LRFN5: variants seen among roughly 807,000 people sequenced by gnomAD.
LRFN5 encodes leucine rich repeat and fibronectin type III domain containing 5, also known as leucine-rich repeat and fibronectin type-III domain-containing protein 5.
Under a neutral mutation model 45.6 loss-of-function variants are expected in LRFN5, and 24 were observed. The observed-to-expected ratio is 0.53, with a 90% CI of 0.38 to 0.74. LRFN5 has a LOEUF of 0.74. Among genes scored for constraint, LRFN5 ranks in the 30% least tolerant of loss-of-function variants. LRFN5 has a pLI of 0.00. For synonymous variants in LRFN5, 340 were observed against 313.8 expected (o/e 1.08, Z -0.88); for missense variants, 776 against 861.5 (o/e 0.90, Z 1.24).
intron 2 of LRFN5, among the ~76,000 whole-genome samples, chr14:41,810,361 A>G (rs1887695100): frequency 6.6e-6 from 1 of 152,008 alleles, no homozygotes. Flanking sequence ...ATGCTTGTTA[A>G]GACACCAAAG....
At chr14:41,893,104 T>G in intron 4 of LRFN5, 1 of 985,014 alleles carries the variant, frequency 1.0e-6, no homozygotes, top group Non-Finnish European at 1.2e-6. Context: ...TTTTTGCATT[T>G]GAATGTTTTC....
chr14:41,629,901 C>G (rs1370114008), intron 1 of LRFN5, among the ~76,000 whole-genome samples: 1 of 152,052 alleles, frequency 6.6e-6, no homozygotes, highest in Non-Finnish European at 1.5e-5. Context: ...TATGTAGTGG[C>G]TGTTTTGTAT....
chr14:41,812,812 C>T (rs957090163), intron 2 of LRFN5, among the ~76,000 whole-genome samples: 1 of 151,556 alleles, frequency 6.6e-6, no homozygotes, highest in Non-Finnish European at 1.5e-5. Context: ...TAGTATAGAC[C>T]AAAATTATTT....
intron 2 of LRFN5, among the ~76,000 whole-genome samples, chr14:41,854,417 G>A (rs1288245871): frequency 2.6e-5 from 4 of 151,906 alleles, no homozygotes; most frequent in Non-Finnish European, 5.9e-5. Context: ...TGTAAATGAC[G>A]AGTTAACAGG....
chr14:41,766,640 A>G (rs1370471876), intron 1 of LRFN5, among the ~76,000 whole-genome samples: 2 of 152,206 alleles, frequency 1.3e-5, no homozygotes, highest in Non-Finnish European at 2.9e-5. Context: ...CTTATTTCAA[A>G]AAGGAAAGGA....
chr14:41,748,909 T>C (rs980499058), intron 1 of LRFN5, among the ~76,000 whole-genome samples: 55 of 151,640 alleles, frequency 3.6e-4, no homozygotes, highest in African/African-American at 1.3e-3. Context: ...TTTATATATA[T>C]ATATATAAAT....
intron 5 of LRFN5, among the ~76,000 whole-genome samples, chr14:41,900,052 C>T (rs1891056957): frequency 6.6e-6 from 1 of 151,950 alleles, no homozygotes. Flanking sequence ...CTCTCTCTAC[C>T]CATCACTCTC....
At chr14:41,752,217 A>G (rs1374383373) in intron 1 of LRFN5, among the ~76,000 whole-genome samples, 1 of 152,298 alleles carries the variant, frequency 6.6e-6, no homozygotes, top group East Asian at 1.9e-4. Flanking sequence ...TAGTGCCACA[A>G]TAAACTTACA....
intron 1 of LRFN5, among the ~76,000 whole-genome samples, chr14:41,709,744 G>T: frequency 6.6e-6 from 1 of 151,742 alleles, no homozygotes; most frequent in East Asian, 1.9e-4. Flanking sequence ...AGCATAATAG[G>T]AAATATAAAA....
At chr14:41,620,763 A>G (rs1888101588) in intron 1 of LRFN5, among the ~76,000 whole-genome samples, 1 of 151,882 alleles carries the variant, frequency 6.6e-6, no homozygotes, top group Non-Finnish European at 1.5e-5. Flanking sequence ...TGGGGAAAGC[A>G]GTTTTTTTTT....
At chr14:41,863,852 G>A (rs1889751910) in intron 2 of LRFN5, among the ~76,000 whole-genome samples, 1 of 151,450 alleles carries the variant, frequency 6.6e-6, no homozygotes, top group African/African-American at 2.4e-5. Context: ...CCCCCAACAG[G>A]CCCCGGTTAT....
At chr14:41,889,851 G>T (rs1159232634) in intron 3 of LRFN5, among the ~76,000 whole-genome samples, 1 of 152,070 alleles carries the variant, frequency 6.6e-6, no homozygotes, top group Non-Finnish European at 1.5e-5. Flanking sequence ...TAGATTCAGA[G>T]ATGTCTATAA....
At chr14:41,844,161 GGT>G (rs1305031982) in intron 2 of LRFN5, among the ~76,000 whole-genome samples, 2 of 152,188 alleles carry the variant, frequency 1.3e-5, no homozygotes, top group Non-Finnish European at 2.9e-5. Flanking sequence ...AATTCGGCCG[GGT>G]GCAGTGGCTC....
chr14:41,704,448 C>CTCTGTGTGTGTGTGTGTGTGTG (rs200253065), intron 1 of LRFN5, among the ~76,000 whole-genome samples: 27 of 124,298 alleles, frequency 2.2e-4, no homozygotes, highest in African/African-American at 1.0e-3. Context: ...CTCTCTCTCT[C>CTCTGTGTGTGTGTGTGTGTGTG]TGTGTGTGTG....
chr14:41,863,025 C>G (rs894608586), intron 2 of LRFN5, among the ~76,000 whole-genome samples: 1 of 151,790 alleles, frequency 6.6e-6, no homozygotes, highest in Non-Finnish European at 1.5e-5. Context: ...CCATGATGCC[C>G]GGCTAATTTT....
At chr14:41,681,342 G>A (rs1180226863) in intron 1 of LRFN5, among the ~76,000 whole-genome samples, 2 of 151,866 alleles carry the variant, frequency 1.3e-5, no homozygotes, top group African/African-American at 4.8e-5. Flanking sequence ...CAAAGATCAA[G>A]GATAAAGAAA....
intron 2 of LRFN5, among the ~76,000 whole-genome samples, chr14:41,806,826 C>A (rs1887542184): frequency 6.6e-6 from 1 of 152,296 alleles, no homozygotes; most frequent in African/African-American, 2.4e-5. Context: ...GAAGACGTCT[C>A]ATCAGCTTAC....
At chr14:41,815,128 T>TC (rs973535959) in intron 2 of LRFN5, among the ~76,000 whole-genome samples, 7 of 152,210 alleles carry the variant, frequency 4.6e-5, no homozygotes, top group South Asian at 2.1e-4. Context: ...TTATTTCTGA[T>TC]AAACAGGTGT....
chr14:41,621,862 A>T (rs1055890389), intron 1 of LRFN5, among the ~76,000 whole-genome samples: 1 of 152,062 alleles, frequency 6.6e-6, no homozygotes, highest in Non-Finnish European at 1.5e-5. Context: ...GGGGTAGGTC[A>T]GGGTCGCTTC....
Sources: allele counts gnomAD v4.1 joint callset (sites outside exome capture counted in the v4.1 genomes callset), GRCh38; gene constraint gnomAD v4.1.1; transcripts MANE v1.5; gene names NCBI Gene and HGNC (gene_info 2026-07-23, HGNC 2026-07-21).